Variants in USP14 observed in about 807,000 individuals in gnomAD.
USP14 encodes the protein ubiquitin specific peptidase 14.
In USP14, 38 loss-of-function variants were observed where a neutral mutation model predicts 76.5. The ratio of observed to expected loss-of-function variants is 0.50; its 90% CI spans 0.38 to 0.65. The LOEUF is 0.65. Among genes scored for constraint, USP14 ranks in the 30% least tolerant of loss-of-function variants. The probability of loss-of-function intolerance (pLI) is 0.00; values close to 1 mark genes in which losing one functional copy is unlikely to be tolerated. For missense variants in USP14, 467 were observed against 586.5 expected (o/e 0.80, Z 2.10); for synonymous variants, 192 against 191.7 (o/e 1.00, Z -0.01).
chr18:189,838 A>G (rs999977423), intron 5 of USP14, among the ~76,000 whole-genome samples: 2 of 152,268 alleles, frequency 1.3e-5, no homozygotes, highest in South Asian at 2.1e-4. Context: ...TAAGTGTACA[A>G]CTCAATGAAT....
intron 1 of USP14, 98 bp downstream of exon 1, chr18:158,812 AGGGGCCGGGGTGGGGTGCGC>A: frequency 7.8e-7 from 1 of 1,276,062 alleles, no homozygotes; most frequent in South Asian, 2.6e-5. Flanking sequence ...ATGGACTGGG[AGGGGCCGGGGTGGGGTGCGC>A]GGGGCCGGCG....
At chr18:204,461 C>A in intron 12 of USP14, 103 bp from the exon 13 acceptor site, 1 of 1,052,554 alleles carries the variant, frequency 9.5e-7, no homozygotes. Context: ...ATTTTATTTT[C>A]AACTGTATCT....
chr18:201,039 G>C (rs1434997876), intron 10 of USP14, among the ~76,000 whole-genome samples: 1 of 152,156 alleles, frequency 6.6e-6, no homozygotes, highest in Non-Finnish European at 1.5e-5. Context: ...CTGACCTTGT[G>C]ATCCGCCCAC....
chr18:198,048 C>G lies in USP14; in HGVS notation c.677C>G (p.Thr226Arg), dbSNP rs1046788963. ...EAIEDDSVKE[T>R]DSSSASAATP... Reference sequence around the variant, plus strand: ...GAATTTTTATTTTAATTTTTGCAGACAGACTCCTCATCTGCATCGGCAGCG... The same window carrying G: ...GAATTTTTATTTTAATTTTTGCAGAGAGACTCCTCATCTGCATCGGCAGCG... The change falls in exon 9 of 16, where the codon ACA becomes AGA. Residue 226 changes from threonine (T) to arginine (R), a missense_variant and splice_region_variant. Coordinates refer to ENST00000261601, the MANE Select transcript of USP14 (RefSeq NM_005151.4). The G allele has an allele frequency of 4.4e-6, 7 of 1,602,648 alleles. No homozygotes were observed. The highest frequency in any genetic ancestry group is 1.3e-5 in the African/African-American group (1 of 74,488).
At chr18:175,658 T>A (rs1909606768) in intron 3 of USP14, among the ~76,000 whole-genome samples, 1 of 152,138 alleles carries the variant, frequency 6.6e-6, no homozygotes, top group East Asian at 1.9e-4. Context: ...AGATAATGGT[T>A]TGTAGTTTTC....
chr18:184,176 T>G (rs1598271560), intron 5 of USP14, among the ~76,000 whole-genome samples: 1 of 152,216 alleles, frequency 6.6e-6, no homozygotes, highest in African/African-American at 2.4e-5. Flanking sequence ...CGCTTTTTGG[T>G]TTTTATTTTT....
At chr18:208,486 T>G (rs576180979) in intron 13 of USP14, among the ~76,000 whole-genome samples, 204 of 152,288 alleles carry the variant, frequency 1.3e-3, no homozygotes, top group African/African-American at 4.4e-3. Flanking sequence ...TATTGATTTC[T>G]GCTCTTATTT....
intron 3 of USP14, among the ~76,000 whole-genome samples, chr18:169,998 T>G (rs1909397641): frequency 6.6e-6 from 1 of 151,974 alleles, no homozygotes. Context: ...GTATTGAAAT[T>G]AGGCCAATTA....
At position 185,692 on chromosome 18, in the gene USP14, A is replaced by T. The variant is rs568157132; in HGVS notation, c.404+5353A>T. The stretch of plus-strand genomic sequence containing the variant: ...ATGTCTTCATTTAAAATTTAAAAAA[A>T]TTTTAAATTATTTTTTATTTTTTGA... On this transcript the variant is annotated intron_variant, in intron 5 of 15. Coordinates refer to ENST00000261601, the MANE Select transcript of USP14 (RefSeq NM_005151.4). 7.9e-5 allele frequency among the ~76,000 whole-genome samples: 12 copies of T among 151,960 alleles called. No individual in the cohort carries two copies. In the East Asian group the frequency reaches 2.1e-3, roughly 27 times the overall value.
intron 2 of USP14, among the ~76,000 whole-genome samples, chr18:163,926 C>T (rs1183518088): frequency 1.3e-5 from 2 of 151,992 alleles, no homozygotes; most frequent in African/African-American, 4.8e-5. Context: ...TATTTAGCTC[C>T]CACTTACAAA....
rs923884284 is a variant in USP14 at position 180,154 on chromosome 18, A to T, written c.301-82A>T. On this transcript the variant is annotated intron_variant, in intron 4 of 15. Coordinates refer to ENST00000261601, the MANE Select transcript of USP14 (RefSeq NM_005151.4). ...AAATGGTACTTGATTCAAAATGAGA[A>T]TTTTAGTGATTTATATATGCCATGT... The T allele has an allele frequency of 7.6e-6, 5 of 660,210 alleles. No homozygotes were observed. In the African/African-American group the frequency reaches 9.6e-5, roughly 13 times the overall value. The allele number at this position is 660,210 out of a possible 1,614,324, so 40.9% of individuals were successfully genotyped here.
chr18:214,324 T>C lies in USP14; in HGVS notation c.*3040T>C, dbSNP rs965086473. The C allele has an allele frequency of 1.7e-5, 4 of 235,888 alleles. No individual in the cohort carries two copies. The highest frequency in any genetic ancestry group is 5.1e-5 in the Admixed American group (1 of 19,580). The allele number at this position is 235,888 out of a possible 1,614,324, so 14.6% of individuals were successfully genotyped here. A position where few individuals can be genotyped will look rare whatever the true frequency, so the allele number is the denominator to read the frequency against. ...AACAAACAACACACAGGAAACTAAT[T>C]TGGTATAAGAAACGACATATCCCTA... On this transcript the variant is annotated 3_prime_UTR_variant, in exon 16 of 16. Transcript: ENST00000261601.
At chr18:159,960 TA>T (rs1216683132) in intron 1 of USP14, among the ~76,000 whole-genome samples, 2 of 152,186 alleles carry the variant, frequency 1.3e-5, no homozygotes, top group African/African-American at 4.8e-5. Flanking sequence ...AGCTCTATAT[TA>T]AAATGAAGAG....
rs1910714605 is a variant in USP14, at chr18:213,003, C to T, written c.*1719C>T. 1 of 152,192 alleles carries T rather than the reference C, an allele frequency of 6.6e-6. No individual in the cohort carries two copies. Among genetic ancestry groups the T allele is most frequent in the Non-Finnish European group, 1.5e-5 (1 of 68,034 alleles). 9.4% of individuals were successfully genotyped at this position (152,192 alleles called of 1,614,324 possible). On this transcript the variant is annotated 3_prime_UTR_variant, in exon 16 of 16. Coordinates refer to ENST00000261601, the MANE Select transcript of USP14 (RefSeq NM_005151.4). ...GGATAAAATAAGCATTGCAGGGAAA[C>T]TTATTTGTAAATAGCTTCCTCACCT...
At chr18:188,927 C>G (rs1910011756) in intron 5 of USP14, among the ~76,000 whole-genome samples, 1 of 152,234 alleles carries the variant, frequency 6.6e-6, no homozygotes, top group South Asian at 2.1e-4. Flanking sequence ...GATCCCCCGG[C>G]TTTGGCCTCC....
chr18:162,970 GTATTTTTAT>G (rs1226814188), intron 1 of USP14: 1 of 162,096 alleles, frequency 6.2e-6, no homozygotes, highest in Admixed American at 6.3e-5. Flanking sequence ...GCTAATTTTT[GTATTTTTAT>G]TAGAGACAGG....
rs1379178027 is a variant in USP14, at chr18:212,940, T to C, written c.*1656T>C. ...ATAGAAAATAACAGCCATTTTACTTTCAAATCTGATGTGATGCAATCTGTG... is the reference window on the plus strand; with the variant it reads ...ATAGAAAATAACAGCCATTTTACTTCCAAATCTGATGTGATGCAATCTGTG... On this transcript the variant is annotated 3_prime_UTR_variant, in exon 16 of 16. Coordinates refer to ENST00000261601, the MANE Select transcript of USP14 (RefSeq NM_005151.4). The C allele has an allele frequency of 6.6e-6, 1 of 152,210 alleles. No individual in the cohort carries two copies. The highest frequency in any genetic ancestry group is 1.5e-5 in the Non-Finnish European group (1 of 68,026). The allele number at this position is 152,210 out of a possible 1,614,324, so 9.4% of individuals were successfully genotyped here.
In USP14 at chr18:211,550, T is replaced by C; in HGVS notation, c.*266T>C. 1 of 288,930 alleles carries C rather than the reference T, an allele frequency of 3.5e-6. No individual in the cohort carries two copies. Among genetic ancestry groups the C allele is most frequent in the Non-Finnish European group, 6.4e-6 (1 of 157,354 alleles). The allele number at this position is 288,930 out of a possible 1,614,324, so 17.9% of individuals were successfully genotyped here. ...TTATTTCTTGCATTATTTTAAAAAG[T>C]TCAGAGTTGAAATGCCTTTCAACCA... is the stretch of plus-strand genomic sequence containing the variant. On this transcript the variant is annotated 3_prime_UTR_variant, in exon 16 of 16. Coordinates refer to ENST00000261601, the MANE Select transcript of USP14 (RefSeq NM_005151.4).
intron 13 of USP14, among the ~76,000 whole-genome samples, chr18:206,600 T>C (rs953739258): frequency 6.6e-6 from 1 of 152,282 alleles, no homozygotes; most frequent in East Asian, 1.9e-4. Flanking sequence ...TGGTGTCATA[T>C]CTAAGAAAGC....
Sources: gnomAD v4.1 joint callset for allele counts (sites outside exome capture counted in the v4.1 genomes callset) on GRCh38, gnomAD v4.1.1 for gene constraint, MANE v1.5 for transcripts, NCBI Gene and HGNC (gene_info 2026-07-23, HGNC 2026-07-21) for gene names.